Variants in ADGRV1 observed in about 807,000 individuals in gnomAD.
ADGRV1 encodes the protein adhesion G protein-coupled receptor V1.
ADGRV1 carries 359 observed loss-of-function variants against 596.2 expected under a neutral mutation model. The ratio of observed to expected loss-of-function variants is 0.60; its 90% confidence interval spans 0.55 to 0.66. ADGRV1 has a LOEUF of 0.66. ADGRV1 is among the 30% of genes least tolerant of loss of function. ADGRV1 has a pLI of 0.00. For missense variants in ADGRV1, 7,274 were observed against 7,575.6 expected (o/e 0.96, Z 1.48); for synonymous variants, 2,681 against 2,679.2 (o/e 1.00, Z -0.02).
chr5:90,716,423 C>T (rs1434388857), intron 42 of ADGRV1, 44 bp from the exon 43 acceptor site: 3 of 1,400,716 alleles, frequency 2.1e-6, no homozygotes, highest in Admixed American at 2.3e-5. Flanking sequence ...CATTTATAAC[C>T]TCTTCTATTT....
intron 86 of ADGRV1, among the ~76,000 whole-genome samples, chr5:91,096,912 T>C (rs1172175329): frequency 6.6e-6 from 1 of 152,226 alleles, no homozygotes; most frequent in South Asian, 2.1e-4. Flanking sequence ...ACTTCTGTTC[T>C]ACTTTCTGCC....
intron 83 of ADGRV1, among the ~76,000 whole-genome samples, chr5:90,952,748 C>T (rs186777586): frequency 1.3e-5 from 2 of 152,202 alleles, no homozygotes; most frequent in East Asian, 1.9e-4. Context: ...CCATTAGATT[C>T]GGAAGTGAAC....
chr5:90,929,846 CT>C (rs1299868603), intron 83 of ADGRV1, among the ~76,000 whole-genome samples: 1 of 152,038 alleles, frequency 6.6e-6, no homozygotes, highest in Non-Finnish European at 1.5e-5. Flanking sequence ...AGATATGTTT[CT>C]TTTTTTCTGT....
At chr5:90,687,790 C>A (rs1745883338) in intron 29 of ADGRV1, among the ~76,000 whole-genome samples, 1 of 152,020 alleles carries the variant, frequency 6.6e-6, no homozygotes, top group Non-Finnish European at 1.5e-5. Flanking sequence ...GAGTGAACTC[C>A]CATTCACAAT....
At position 90,658,031 on chromosome 5, in the gene ADGRV1, C is replaced by A; in HGVS notation, c.4505C>A (p.Pro1502His). 1 of 1,613,758 alleles carries A rather than the reference C, an allele frequency of 6.2e-7. No individual in the cohort carries two copies. The highest frequency in any genetic ancestry group is 1.1e-5 in the South Asian group (1 of 91,076). ...LEEIYELHAM[P>H]AKSDLHPISG... ...GAAATTTATGAACTTCATGCCATGC[C>A]CGCAAAAAGTGATTTACACCCAATT... Residue 1502 changes from proline to histidine, a missense_variant, in exon 21 of 90, where the codon CCC becomes CAC. This residue lies in a region of ADGRV1 where 3,643 missense variants were observed against 3,809.2 expected (regional missense o/e 0.96). Coordinates refer to ENST00000405460, the MANE Select transcript of ADGRV1 (RefSeq NM_032119.4).
chr5:91,097,687 A>T (rs988907771), intron 86 of ADGRV1, among the ~76,000 whole-genome samples: 4 of 152,120 alleles, frequency 2.6e-5, no homozygotes, highest in African/African-American at 9.7e-5. Flanking sequence ...TTACATCTCT[A>T]TCAGGCATGC....
At chr5:90,667,913 A>C (rs1771734491) in intron 21 of ADGRV1, among the ~76,000 whole-genome samples, 1 of 151,934 alleles carries the variant, frequency 6.6e-6, no homozygotes, top group Non-Finnish European at 1.5e-5. Flanking sequence ...CCTCCCAGTT[A>C]GGCTGCTCGG....
In ADGRV1 at chr5:90,685,597, T is replaced by TATAA. The variant is rs138476984; in HGVS notation, c.6275-141_6275-138dup. On this transcript the variant is annotated intron_variant, in intron 28 of 89. Coordinates refer to ENST00000405460, the MANE Select transcript of ADGRV1 (RefSeq NM_032119.4). ...GCCTGCGTGGTAGAGAGTCCATCTC[T>TATAA]ATAAATAAATAAATAAATAAATAAA... Among the ~76,000 whole-genome samples, 9,691 of 142,150 alleles carry TATAA rather than the reference T, an allele frequency of 0.068. 380 individuals carry two copies. Among genetic ancestry groups the TATAA allele is most frequent in the Non-Finnish European group, 0.08 (5,252 of 65,960 alleles). 93.3% of individuals were successfully genotyped at this position (142,150 alleles called of 152,430 possible).
intron 50 of ADGRV1, among the ~76,000 whole-genome samples, chr5:90,741,385 A>AG (rs869090639): frequency 3.0e-4 from 36 of 118,856 alleles, no homozygotes; most frequent in African/African-American, 1.1e-3. Flanking sequence ...TTATCATTCA[A>AG]CAAGTGATTT....
chr5:90,643,045 T>G lies in ADGRV1; in HGVS notation c.2553+4T>G, dbSNP rs949285769. ...AAGATTGGATGGGATACCAGAGGTA[T>G]GGGATTTTATATTTTCTTTGTGTTT... On this transcript the variant is annotated splice_donor_region_variant and intron_variant, in intron 13 of 89. Coordinates refer to ENST00000405460, the MANE Select transcript of ADGRV1 (RefSeq NM_032119.4). 1.9e-6 allele frequency: 3 copies of G among 1,607,760 alleles called. No homozygotes were observed. Among genetic ancestry groups the G allele is most frequent in the African/African-American group, 2.7e-5 (2 of 74,750 alleles).
chr5:91,084,581 A>G (rs922125717), intron 86 of ADGRV1, among the ~76,000 whole-genome samples: 4 of 152,194 alleles, frequency 2.6e-5, no homozygotes, highest in Non-Finnish European at 5.9e-5. Context: ...AGGAAAGAAC[A>G]GGTGCTGGAG....
chr5:91,058,121 G>A (rs1049894535), intron 85 of ADGRV1, among the ~76,000 whole-genome samples: 5 of 152,082 alleles, frequency 3.3e-5, no homozygotes, highest in African/African-American at 1.2e-4. Flanking sequence ...TCTGACTTAC[G>A]CTGAGAAGCC....
chr5:90,601,275 A>G (rs1238863915), intron 1 of ADGRV1, among the ~76,000 whole-genome samples: 1 of 152,016 alleles, frequency 6.6e-6, no homozygotes. Flanking sequence ...GAATTCTTGT[A>G]AATAAGCCTT....
chr5:90,743,969 T>C (rs944055522), intron 50 of ADGRV1, among the ~76,000 whole-genome samples: 1 of 140,840 alleles, frequency 7.1e-6, no homozygotes, highest in Non-Finnish European at 1.5e-5. Context: ...ACTTCTTTTT[T>C]AGAAGCAACC....
At chr5:91,156,728 T>A (rs1796509439) in intron 89 of ADGRV1, among the ~76,000 whole-genome samples, 2 of 152,190 alleles carry the variant, frequency 1.3e-5, no homozygotes, top group African/African-American at 4.8e-5. Flanking sequence ...TCTCTAATAC[T>A]TGGTTCCCTA....
intron 34 of ADGRV1, among the ~76,000 whole-genome samples, chr5:90,702,124 A>T (rs904172692): frequency 2.3e-4 from 35 of 151,016 alleles, no homozygotes; most frequent in African/African-American, 7.4e-4. Context: ...CAATATTCCA[A>T]ACTTGCTCTA....
rs181326820 is a variant in ADGRV1 at position 91,031,217 on chromosome 5, A to G, written c.18153-41230A>G. 64 of 1,583,820 alleles carry G rather than the reference A, an allele frequency of 4.0e-5. No individual in the cohort carries two copies. In the East Asian group the frequency reaches 1.2e-3, roughly 30 times the overall value. On this transcript the variant is annotated intron_variant, in intron 85 of 89. Coordinates refer to ENST00000405460, the MANE Select transcript of ADGRV1 (RefSeq NM_032119.4). ...AATCGAGATTTCCAGGAGTGTGTCC[A>G]TGTGGTTCCTTCAAGGGGCTCCTCA... is the stretch of plus-strand genomic sequence containing the variant.
chr5:90,778,154 TG>T, intron 62 of ADGRV1, 111 bp downstream of exon 62: 2 of 1,234,862 alleles, frequency 1.6e-6, no homozygotes, highest in Non-Finnish European at 2.2e-6. Flanking sequence ...TGGTTAGAAG[TG>T]GGGGATGGGG....
intron 31 of ADGRV1, among the ~76,000 whole-genome samples, chr5:90,691,423 C>T (rs1254798077): frequency 1.6e-5 from 2 of 125,228 alleles, no homozygotes; most frequent in Admixed American, 1.0e-4. Flanking sequence ...TTACGCTTGT[C>T]GCCCAGGCTG....
Sources: allele counts gnomAD v4.1 joint callset (sites outside exome capture counted in the v4.1 genomes callset), GRCh38; gene constraint gnomAD v4.1.1; regional missense constraint gnomAD v4.1.1; transcripts MANE v1.5; gene names NCBI Gene and HGNC (gene_info 2026-07-23, HGNC 2026-07-21).